TTC3: variants seen among roughly 807,000 people sequenced by gnomAD.
TTC3 encodes tetratricopeptide repeat domain 3, also known as E3 ubiquitin-protein ligase TTC3.
Under a neutral mutation model 249.6 loss-of-function variants are expected in TTC3, and 180 were observed. The observed-to-expected ratio is 0.72, with a 90% CI of 0.64 to 0.82. The LOEUF is 0.82. Ranked by LOEUF, TTC3 falls within the 40% of genes least tolerant of loss-of-function variation. The pLI is 0.00. For missense variants in TTC3, 2,061 were observed against 2,398.4 expected, an observed-to-expected ratio of 0.86 and a Z score of 2.94; for synonymous variants, 717 against 805.0, an observed-to-expected ratio of 0.89 and a Z score of 1.85.
At chr21:37,125,988 C>A in intron 14 of TTC3, 92 bp from the exon 15 acceptor site, 2 of 1,223,194 alleles carry the variant, frequency 1.6e-6, no homozygotes, top group African/African-American at 1.5e-5. Context: ...GAATTCTATC[C>A]TATTCTATTC....
chr21:37,109,359 A>T (rs923373142), intron 11 of TTC3, among the ~76,000 whole-genome samples: 7 of 152,194 alleles, frequency 4.6e-5, no homozygotes, highest in Admixed American at 1.3e-4. Context: ...GGTCACTTCC[A>T]CCCTAATACT....
At chr21:37,154,816 C>T (rs2079851345) in intron 27 of TTC3, among the ~76,000 whole-genome samples, 3 of 152,166 alleles carry the variant, frequency 2.0e-5, no homozygotes, top group Non-Finnish European at 4.4e-5. Flanking sequence ...CTGCCTCAGC[C>T]TCCCGAGCAG....
intron 13 of TTC3, among the ~76,000 whole-genome samples, chr21:37,124,349 T>C (rs984821102): frequency 1.8e-4 from 27 of 152,008 alleles, no homozygotes; most frequent in African/African-American, 6.5e-4. Flanking sequence ...ACTCCTGACC[T>C]TAGCTGATCC....
chr21:37,174,798 T>C (rs1229500780), intron 35 of TTC3, among the ~76,000 whole-genome samples: 4 of 152,126 alleles, frequency 2.6e-5, no homozygotes, highest in Non-Finnish European at 4.4e-5. Flanking sequence ...ATTAATAATG[T>C]ATTGTCTACT....
At chr21:37,141,026 T>C (rs970041392) in intron 20 of TTC3, among the ~76,000 whole-genome samples, 1 of 152,232 alleles carries the variant, frequency 6.6e-6, no homozygotes, top group Non-Finnish European at 1.5e-5. Context: ...AATTATTTTT[T>C]AAAAATCTGT....
At chr21:37,158,502 A>G (rs894358965) in intron 28 of TTC3, among the ~76,000 whole-genome samples, 1 of 152,168 alleles carries the variant, frequency 6.6e-6, no homozygotes, top group African/African-American at 2.4e-5. Context: ...AAGAATAGTT[A>G]TATTTCTTAA....
intron 34 of TTC3, 50 bp downstream of exon 34, chr21:37,167,670 T>C: frequency 7.0e-7 from 1 of 1,424,668 alleles, no homozygotes; most frequent in South Asian, 1.2e-5. Flanking sequence ...TTCATTAATT[T>C]ATCTAGATGG....
rs142875755 is a variant in TTC3 at position 37,125,987 on chromosome 21, C to G, written c.1234-93C>G. The stretch of plus-strand genomic sequence containing the variant: ...TTTTAGCTGCTAGGGTGAATTCTAT[C>G]CTATTCTATTCTAAATTCTTTTATA... On this transcript the variant is annotated intron_variant, in intron 14 of 45. Transcript: ENST00000355666. The G allele has an allele frequency of 4.1e-4, 497 of 1,218,660 alleles. 2 individuals are homozygous for G. The African/African-American group carries it at 5.6e-3, about 14-fold the overall frequency. 75.5% of individuals were successfully genotyped at this position (1,218,660 alleles called of 1,614,324 possible). A position where few individuals can be genotyped will look rare whatever the true frequency, so the allele number is the denominator to read the frequency against.
chr21:37,144,770 C>T (rs1310503820), intron 21 of TTC3, 125 bp downstream of exon 21: 7 of 1,172,616 alleles, frequency 6.0e-6, no homozygotes, highest in Non-Finnish European at 7.1e-6. Flanking sequence ...CATTTCCCCT[C>T]TACTGTCTAA....
At chr21:37,144,411 C>G (rs2078800458) in intron 20 of TTC3, 114 bp from the exon 21 acceptor site, 2 of 1,242,312 alleles carry the variant, frequency 1.6e-6, no homozygotes, top group African/African-American at 3.1e-5. Flanking sequence ...TATTGCTGTT[C>G]AGTGATTCAT....
chr21:37,124,086 C>T (rs563409505), intron 13 of TTC3, among the ~76,000 whole-genome samples: 30 of 133,020 alleles, frequency 2.3e-4, no homozygotes, highest in African/African-American at 7.2e-4. Context: ...AATGTTAGAA[C>T]GCAGAATACT....
intron 42 of TTC3, among the ~76,000 whole-genome samples, chr21:37,196,559 A>G (rs1411242143): frequency 1.3e-5 from 2 of 152,164 alleles, no homozygotes; most frequent in Non-Finnish European, 2.9e-5. Context: ...TTTAATGTGC[A>G]TATGTAAATT....
intron 1 of TTC3, chr21:37,081,655 A>T (rs994420285): frequency 6.6e-6 from 1 of 151,564 alleles, no homozygotes; most frequent in Non-Finnish European, 1.5e-5. Flanking sequence ...CTTTAACTGG[A>T]TATATATATA....
intron 12 of TTC3, among the ~76,000 whole-genome samples, chr21:37,122,472 G>C (rs1162776401): frequency 1.4e-5 from 2 of 144,502 alleles, no homozygotes; most frequent in African/African-American, 5.2e-5. Context: ...TATATATATA[G>C]CAGAAATTGG....
exon 10 of TTC3, chr21:37,096,604 G>A: frequency 6.2e-7 from 1 of 1,612,282 alleles, no homozygotes; most frequent in Non-Finnish European, 8.5e-7. Context: ...CTTCTTTATG[G>A]TAACCGAGCT....
exon 45 of TTC3, chr21:37,200,253 G>A: frequency 6.2e-7 from 1 of 1,614,164 alleles, no homozygotes; most frequent in Non-Finnish European, 8.5e-7. Flanking sequence ...AAGTTCCTGT[G>A]AAATATGCCA....
chr21:37,076,300 A>T (rs60447195), intron 1 of TTC3, among the ~76,000 whole-genome samples: 69,336 of 152,050 alleles, frequency 0.46, 16,338 homozygotes, highest in Non-Finnish European at 0.52. Flanking sequence ...TAATATTCCA[A>T]GTGTGAATAT....
At chr21:37,155,326 G>A (rs1164063027) in intron 27 of TTC3, among the ~76,000 whole-genome samples, 1 of 152,086 alleles carries the variant, frequency 6.6e-6, no homozygotes, top group Non-Finnish European at 1.5e-5. Flanking sequence ...AGAAATAATA[G>A]AGCACTAGTG....
intron 26 of TTC3, 53 bp from the exon 27 acceptor site, chr21:37,152,898 G>C: frequency 7.3e-7 from 1 of 1,372,360 alleles, no homozygotes; most frequent in East Asian, 2.4e-5. Flanking sequence ...CTAAGTTTAT[G>C]TAATTGTGAA....
Sources: allele counts gnomAD v4.1 joint callset (sites outside exome capture counted in the v4.1 genomes callset), GRCh38; gene constraint gnomAD v4.1.1; transcripts MANE v1.5; gene names NCBI Gene and HGNC (gene_info 2026-07-23, HGNC 2026-07-21).